Variants in BRD7 observed in about 807,000 individuals in gnomAD.
BRD7 encodes bromodomain containing 7, also known as bromodomain-containing protein 7.
Under a neutral mutation model 82.1 loss-of-function variants are expected in BRD7, and 15 were observed. The ratio of observed to expected loss-of-function variants is 0.18; its 90% CI spans 0.12 to 0.28. The LOEUF (loss-of-function observed/expected upper bound fraction) is 0.28, where lower values mean the gene tolerates loss of function less well. BRD7 is among the 10% of genes least tolerant of loss of function. The probability of loss-of-function intolerance (pLI) is 1.00; values close to 1 mark genes in which losing one functional copy is unlikely to be tolerated. For synonymous variants in BRD7, 232 were observed against 266.9 expected (o/e 0.87, Z 1.27); for missense variants, 638 against 779.9 (o/e 0.82, Z 2.17).
chr16:50,336,446 GTA>G (rs2037800967), intron 6 of BRD7, among the ~76,000 whole-genome samples: 1 of 152,092 alleles, frequency 6.6e-6, no homozygotes, highest in Non-Finnish European at 1.5e-5. Context: ...AAAATCAATA[GTA>G]TCACTTAAAA....
intron 2 of BRD7, among the ~76,000 whole-genome samples, chr16:50,366,840 G>A (rs2151217703): frequency 1.3e-5 from 2 of 152,298 alleles, no homozygotes; most frequent in Middle Eastern, 6.8e-3. Context: ...TACCTCTGAA[G>A]AGGGAGTCTA....
intron 2 of BRD7, among the ~76,000 whole-genome samples, chr16:50,361,325 T>C (rs2038926225): frequency 6.6e-6 from 1 of 152,248 alleles, no homozygotes; most frequent in African/African-American, 2.4e-5. Flanking sequence ...TAACATCCTA[T>C]ATGTGTTAAT....
intron 5 of BRD7, among the ~76,000 whole-genome samples, chr16:50,346,844 G>A (rs2038304280): frequency 6.6e-6 from 1 of 152,184 alleles, no homozygotes; most frequent in Non-Finnish European, 1.5e-5. Context: ...AAGAGGAGCT[G>A]GTACTATTCC....
At chr16:50,325,954 G>C in intron 10 of BRD7, 71 bp from the exon 11 acceptor site, 1 of 1,430,482 alleles carries the variant, frequency 7.0e-7, no homozygotes. Context: ...TTTACCAAAA[G>C]ATTATTTATT....
chr16:50,331,872 C>T (rs1012926996), intron 8 of BRD7, among the ~76,000 whole-genome samples: 17 of 152,194 alleles, frequency 1.1e-4, no homozygotes, highest in African/African-American at 3.6e-4. Context: ...TTGACAAAGT[C>T]GACAAAAATA....
rs1212533375 is a variant in BRD7 at position 50,328,666 on chromosome 16, T to A, written c.1087+3A>T. 2 of 1,612,352 alleles carry A rather than the reference T, an allele frequency of 1.2e-6. No homozygotes were observed. The highest frequency in any genetic ancestry group is 1.7e-6 in the Non-Finnish European group (2 of 1,179,450). On this transcript the variant is annotated splice_donor_region_variant and intron_variant, in intron 9 of 16. Transcript: ENST00000394688. ...TTCATGCACAGTTTTACTCTGATCC[T>A]ACCTCCTACAATGGGATCCACAGGA...
intron 5 of BRD7, among the ~76,000 whole-genome samples, chr16:50,341,665 A>G (rs2038061100): frequency 7.0e-6 from 1 of 142,376 alleles, no homozygotes; most frequent in Non-Finnish European, 1.5e-5. Context: ...AAAAAATTAA[A>G]TATGTATTTG....
chr16:50,339,876 T>C (rs1597058195), intron 6 of BRD7, 100 bp downstream of exon 6: 2 of 188,484 alleles, frequency 1.1e-5, no homozygotes, highest in Admixed American at 1.9e-4. Flanking sequence ...AACCTGCTAA[T>C]AAAATAAAAT....
In BRD7 at chr16:50,339,240, A is replaced by G. The variant is rs1597056810; in HGVS notation, c.702+736T>C. Among the ~76,000 whole-genome samples, 3 of 152,176 alleles carry G rather than the reference A, an allele frequency of 2.0e-5. No individual in the cohort carries two copies. The South Asian group carries it at 6.2e-4, about 31-fold the overall frequency. ...TTGAGACAGTTTCAAATTTTCTCTC[A>G]TTTGTATATAGTCACATGTAGCTTA... On this transcript the variant is annotated intron_variant, in intron 6 of 16. Coordinates refer to ENST00000394688, the MANE Select transcript of BRD7 (RefSeq NM_013263.5).
chr16:50,365,770 C>T (rs1035136947), intron 2 of BRD7, among the ~76,000 whole-genome samples: 1 of 152,008 alleles, frequency 6.6e-6, no homozygotes, highest in African/African-American at 2.4e-5. Context: ...AACCCTCCCC[C>T]ACCCCACACA....
At chr16:50,363,696 T>C (rs978581830) in intron 2 of BRD7, among the ~76,000 whole-genome samples, 7 of 151,644 alleles carry the variant, frequency 4.6e-5, no homozygotes, top group African/African-American at 1.7e-4. Context: ...TCCCCCAACT[T>C]TATCTTATTT....
intron 5 of BRD7, among the ~76,000 whole-genome samples, chr16:50,346,399 A>T (rs909901717): frequency 4.6e-5 from 7 of 152,234 alleles, no homozygotes; most frequent in Non-Finnish European, 7.3e-5. Flanking sequence ...ACCTAGCAGA[A>T]GGCAAGAAAT....
chr16:50,340,467 AT>A (rs1457110207), intron 5 of BRD7, among the ~76,000 whole-genome samples: 2 of 152,216 alleles, frequency 1.3e-5, no homozygotes, highest in East Asian at 1.9e-4. Context: ...AATAAAAAAA[AT>A]ATTACTCCTA....
chr16:50,368,739 T>G lies in BRD7; in HGVS notation c.36A>C (p.Lys12Asn), dbSNP rs1224355984. The G allele has an allele frequency of 6.4e-7, 1 of 1,555,632 alleles. No homozygotes were observed. Among genetic ancestry groups the G allele is most frequent in the Non-Finnish European group, 8.7e-7 (1 of 1,152,542 alleles). Residue 12 changes from lysine (K) to asparagine (N), a missense_variant, in exon 1 of 17, where the codon AAA becomes AAC. By Grantham distance (94) the Lys-to-Asn change is moderately conservative. Coordinates refer to ENST00000394688, the MANE Select transcript of BRD7 (RefSeq NM_013263.5). The part of the protein sequence containing the change: ...GKKHKKHKSD[K>N]HLYEEYVEKP... ...CCCCCTCCTCACCCTCGTAGAGGTGTTTGTCCGACTTGTGCTTCTTGTGCT... is the reference window on the plus strand; with the variant it reads ...CCCCCTCCTCACCCTCGTAGAGGTGGTTGTCCGACTTGTGCTTCTTGTGCT...
At chr16:50,323,752 C>A (rs2037218203) in intron 11 of BRD7, 54 bp from the exon 12 acceptor site, 1 of 1,345,860 alleles carries the variant, frequency 7.4e-7, no homozygotes, top group Non-Finnish European at 1.1e-6. Flanking sequence ...TGGCTTTATC[C>A]TCCCATCAGA....
chr16:50,357,036 G>GATTTTGCAAGAAACAAAAATTTT (rs567917765), intron 2 of BRD7, among the ~76,000 whole-genome samples: 1 of 152,108 alleles, frequency 6.6e-6, no homozygotes, highest in Non-Finnish European at 1.5e-5. Flanking sequence ...GATTATTTAG[G>GATTTTGCAAGAAACAAAAATTTT]ATTTTGCAAG....
chr16:50,337,760 T>C (rs2037873443), intron 6 of BRD7, among the ~76,000 whole-genome samples: 1 of 152,102 alleles, frequency 6.6e-6, no homozygotes, highest in African/African-American at 2.4e-5. Context: ...TCAAAAGGTC[T>C]AAATTTAAAC....
chr16:50,359,059 T>C (rs576227840), intron 2 of BRD7, among the ~76,000 whole-genome samples: 16 of 152,364 alleles, frequency 1.1e-4, no homozygotes, highest in African/African-American at 4.8e-5. Context: ...TTGCAGAATC[T>C]TGTTGTGAAT....
Position 50,319,349 on chromosome 16 carries a change from A to G in BRD7, c.1901-83T>C, listed in dbSNP as rs189201004. 5.9e-5 allele frequency: 81 copies of G among 1,370,774 alleles called. No homozygotes were observed. In the East Asian group the frequency reaches 1.6e-3, roughly 27 times the overall value. 84.9% of individuals were successfully genotyped at this position (1,370,774 alleles called of 1,614,324 possible). A position where few individuals can be genotyped will look rare whatever the true frequency, so the allele number is the denominator to read the frequency against. On this transcript the variant is annotated intron_variant, in intron 16 of 16. Coordinates refer to ENST00000394688, the MANE Select transcript of BRD7 (RefSeq NM_013263.5). ...GGACATGAAAGTCAAGCTGCCATCCAGAAGCATAACTGCTGAGAGCCCTTC... is the reference window on the plus strand; with the variant it reads ...GGACATGAAAGTCAAGCTGCCATCCGGAAGCATAACTGCTGAGAGCCCTTC...
Sources: allele counts gnomAD v4.1 joint callset (sites outside exome capture counted in the v4.1 genomes callset), GRCh38; gene constraint gnomAD v4.1.1; transcripts MANE v1.5; gene names NCBI Gene and HGNC (gene_info 2026-07-23, HGNC 2026-07-21).